Variants in RANBP3 observed in about 807,000 individuals in gnomAD.
The protein encoded by RANBP3 is ran-binding protein 3.
In RANBP3, 14 loss-of-function variants were observed where a neutral mutation model predicts 77.3. The observed-to-expected ratio is 0.18, with a 90% CI of 0.12 to 0.28. The LOEUF (loss-of-function observed/expected upper bound fraction) is 0.28, where lower values mean the gene tolerates loss of function less well. Ranked by LOEUF, RANBP3 falls within the 10% of genes least tolerant of loss-of-function variation. The pLI is 1.00. For missense variants in RANBP3, 586 were observed against 752.3 expected (o/e 0.78, Z 2.59); for synonymous variants, 315 against 312.4 (o/e 1.01, Z -0.09).
chr19:5,931,369 G>C, intron 8 of RANBP3, 35 bp downstream of exon 8: 1 of 1,584,030 alleles, frequency 6.3e-7, no homozygotes. Context: ...AAGGGGCCTA[G>C]CATGCAGCGC....
At chr19:5,937,087 A>G (rs2058076164) in intron 5 of RANBP3, among the ~76,000 whole-genome samples, 4 of 144,864 alleles carry the variant, frequency 2.8e-5, no homozygotes, top group African/African-American at 7.6e-5. Context: ...AAAAAAAAGG[A>G]AGAAAATCCC....
intron 15 of RANBP3, 34 bp from the exon 16 acceptor site, chr19:5,918,014 C>T: frequency 1.3e-6 from 2 of 1,536,990 alleles, no homozygotes; most frequent in Non-Finnish European, 1.8e-6. Flanking sequence ...ACCCCCGGAC[C>T]CCAGTCCTAC....
intron 1 of RANBP3, among the ~76,000 whole-genome samples, chr19:5,966,172 T>C (rs555048988): frequency 2.0e-5 from 3 of 152,356 alleles, no homozygotes; most frequent in Non-Finnish European, 2.9e-5. Context: ...TTTAGAGAAA[T>C]GACAGCAGGA....
intron 3 of RANBP3, among the ~76,000 whole-genome samples, chr19:5,946,500 C>T (rs2058206712): frequency 6.6e-6 from 1 of 152,224 alleles, no homozygotes; most frequent in South Asian, 2.1e-4. Flanking sequence ...GAAGCCAAGG[C>T]TTGGGAAGAA....
chr19:5,962,107 G>A (rs73920100), intron 1 of RANBP3, among the ~76,000 whole-genome samples: 3,139 of 152,056 alleles, frequency 0.021, 108 homozygotes, highest in African/African-American at 0.073. Context: ...AGCTGAAACA[G>A]CCTATCACCC....
At position 5,959,017 on chromosome 19, in the gene RANBP3, A is replaced by C. The variant is rs1222499993; in HGVS notation, c.23-1044T>G. Reference sequence around the variant, plus strand: ...ATTACCCAGGAAGCATGTGCTGCCCATGATCACGACGAAGGCACTCTGCTT... The same window carrying C: ...ATTACCCAGGAAGCATGTGCTGCCCCTGATCACGACGAAGGCACTCTGCTT... On this transcript the variant is annotated intron_variant, in intron 1 of 16. Transcript: ENST00000340578. This position sits in a 1 kb window ranked among gnomAD's most constrained non-coding sequence, Gnocchi z 5.1. 6.6e-6 allele frequency among the ~76,000 whole-genome samples: 1 copy of C among 152,202 alleles called. No homozygotes were observed. Among genetic ancestry groups the C allele is most frequent in the African/African-American group, 2.4e-5 (1 of 41,466 alleles).
In RANBP3 at chr19:5,929,238, G is replaced by GC. The variant is rs2057955009; in HGVS notation, c.694-1152dup. On this transcript the variant is annotated intron_variant, in intron 8 of 16. Coordinates refer to ENST00000340578, the MANE Select transcript of RANBP3 (RefSeq NM_007322.3). The stretch of plus-strand genomic sequence containing the variant: ...CTTCACGCTGCATCCTTGTGCCTGT[G>GC]CAAGAGTGAACGTGGCTTTTTAAAA... Among the ~76,000 whole-genome samples the GC allele has an allele frequency of 3.9e-5, 6 of 152,238 alleles. No individual in the cohort carries two copies. The South Asian group carries it at 1.2e-3, about 32-fold the overall frequency.
At chr19:5,962,205 C>T (rs2058412433) in intron 1 of RANBP3, among the ~76,000 whole-genome samples, 1 of 152,150 alleles carries the variant, frequency 6.6e-6, no homozygotes, top group African/African-American at 2.4e-5. Context: ...CTGCTACGTA[C>T]TCACAAATAT....
chr19:5,931,460 C>T lies in RANBP3; in HGVS notation c.637G>A (p.Asp213Asn). 6.2e-7 allele frequency: 1 copy of T among 1,612,976 alleles called. No individual in the cohort carries two copies. Among genetic ancestry groups the T allele is most frequent in the Non-Finnish European group, 8.5e-7 (1 of 1,179,642 alleles). Residue 213 changes from aspartate to asparagine, a missense_variant, in exon 8 of 17, where the codon GAC becomes AAC. Physicochemically the swap from Asp to Asn is conservative, Grantham distance 23 (BLOSUM62 1). Around this residue, in one of 5 missense-constraint regions of RANBP3, gnomAD observed 232 missense variants for 271.7 expected, o/e 0.85. Coordinates refer to ENST00000340578, the MANE Select transcript of RANBP3 (RefSeq NM_007322.3). ...GAAGGACTTCTCCATGCAGCAGTGT[C>T]AGGGGATGCTGCGGGCACTGCCCCC... ...CTGAVPAASP[D>N]TAAWRSPSEA...
At chr19:5,965,085 G>C (rs189573403) in intron 1 of RANBP3, among the ~76,000 whole-genome samples, 1 of 152,230 alleles carries the variant, frequency 6.6e-6, no homozygotes, top group South Asian at 2.1e-4. Context: ...GCTTCCTCCT[G>C]ACCCTAGAGG....
intron 1 of RANBP3, among the ~76,000 whole-genome samples, chr19:5,972,688 G>A (rs894569205): frequency 2.0e-5 from 3 of 151,934 alleles, no homozygotes; most frequent in South Asian, 2.1e-4. Context: ...AATGGCCTTC[G>A]TCTCCCACTA....
In RANBP3 at chr19:5,918,488, T is replaced by C; in HGVS notation, c.1473+8A>G. The C allele has an allele frequency of 6.5e-7, 1 of 1,543,240 alleles. No homozygotes were observed. ...GGGGTCCCAGATGCACCCGCGTGGC[T>C]GGCTCACCGAGATCAGGAAGACCTT... On this transcript the variant is annotated splice_region_variant and intron_variant, in intron 15 of 16. Coordinates refer to ENST00000340578, the MANE Select transcript of RANBP3 (RefSeq NM_007322.3).
chr19:5,969,447 G>C (rs757764400), intron 1 of RANBP3, among the ~76,000 whole-genome samples: 2 of 152,214 alleles, frequency 1.3e-5, no homozygotes, highest in Non-Finnish European at 2.9e-5. Flanking sequence ...TTTAGCAAAG[G>C]CATTTTAAAC....
In RANBP3 at chr19:5,924,869, G is replaced by C; in HGVS notation, c.954C>G (p.Ser318Arg). 1 of 1,614,184 alleles carries C rather than the reference G, an allele frequency of 6.2e-7. No homozygotes were observed. Among genetic ancestry groups the C allele is most frequent in the South Asian group, 1.1e-5 (1 of 91,086 alleles). Reference protein sequence around the residue: ...ENSTNSADASSNKFVFGQNMS... With the variant: ...ENSTNSADASRNKFVFGQNMS... ...TGTTCTGGCCAAATACAAATTTGTT[G>C]CTGGAGGCGTCGGCACTATTGGTTG... Residue 318 changes from serine (S) to arginine (R), a missense_variant, in exon 11 of 17, where the codon AGC becomes AGG. This residue lies in a region of RANBP3 where 232 missense variants were observed against 271.7 expected (regional missense o/e 0.85). Coordinates refer to ENST00000340578, the MANE Select transcript of RANBP3 (RefSeq NM_007322.3). This position sits in a 1 kb window ranked among gnomAD's most constrained non-coding sequence, Gnocchi z 4.7.
At chr19:5,941,543 C>A in intron 5 of RANBP3, 78 bp downstream of exon 5, 4 of 1,275,930 alleles carry the variant, frequency 3.1e-6, no homozygotes, top group Non-Finnish European at 4.5e-6. Context: ...ACACAGCAGA[C>A]GGATGCGCGG....
chr19:5,941,893 A>AG, intron 3 of RANBP3, 58 bp from the exon 4 acceptor site: 1 of 1,596,420 alleles, frequency 6.3e-7, no homozygotes, highest in Non-Finnish European at 8.6e-7. Flanking sequence ...GCAGCCGAGC[A>AG]ACTCTCGGGG....
intron 3 of RANBP3, among the ~76,000 whole-genome samples, chr19:5,946,090 C>T (rs758475272): frequency 1.3e-5 from 2 of 152,164 alleles, no homozygotes; most frequent in Non-Finnish European, 2.9e-5. Context: ...CCTCCGTGGG[C>T]GCCCTCCCTC....
In RANBP3 at chr19:5,959,001, G is replaced by T. The variant is rs919193604; in HGVS notation, c.23-1028C>A. ...TCGTGGGGAGCCAGGCATTACCCAG[G>T]AAGCATGTGCTGCCCATGATCACGA... On this transcript the variant is annotated intron_variant, in intron 1 of 16. Transcript: ENST00000340578. The surrounding 1 kb of genome is among the most constrained non-coding windows in gnomAD (Gnocchi z 5.1). 3.3e-5 allele frequency among the ~76,000 whole-genome samples: 5 copies of T among 152,252 alleles called. No homozygotes were observed. Among genetic ancestry groups the T allele is most frequent in the African/African-American group, 1.2e-4 (5 of 41,474 alleles).
At chr19:5,940,167 G>A (rs185137398) in intron 5 of RANBP3, among the ~76,000 whole-genome samples, 27 of 152,358 alleles carry the variant, frequency 1.8e-4, no homozygotes, top group African/African-American at 5.8e-4. Context: ...GGGGGCTGCT[G>A]CGCTGGACGG....
Sources: gnomAD v4.1 joint callset for allele counts (sites outside exome capture counted in the v4.1 genomes callset) on GRCh38, gnomAD v4.1.1 for gene constraint, gnomAD v4.1.1 regional missense constraint, Gnocchi (gnomAD v3.1) non-coding constraint, MANE v1.5 for transcripts, NCBI Gene and HGNC (gene_info 2026-07-23, HGNC 2026-07-21) for gene names.